The following TLCD4 variants were observed in gnomAD, a reference collection of about 807,000 sequenced individuals.
TLCD4 encodes the protein TLC domain containing 4, also known as TLC domain-containing protein 4.
Under a neutral mutation model 24.2 loss-of-function variants are expected in TLCD4, and 7 were observed. That is an observed-to-expected ratio of 0.29 (90% CI 0.16 to 0.54). TLCD4 has a LOEUF of 0.54. TLCD4 is among the 20% of genes least tolerant of loss of function. The probability of loss-of-function intolerance (pLI) is 0.95; values close to 1 mark genes in which losing one functional copy is unlikely to be tolerated. For missense variants in TLCD4, 259 were observed against 313.9 expected, an observed-to-expected ratio of 0.82 and a Z score of 1.32; for synonymous variants, 103 against 106.4, an observed-to-expected ratio of 0.97 and a Z score of 0.20.
intron 1 of TLCD4, among the ~76,000 whole-genome samples, chr1:95,138,810 C>G (rs779075171): frequency 6.6e-6 from 1 of 151,182 alleles, no homozygotes; most frequent in Non-Finnish European, 1.5e-5. Flanking sequence ...GTACTGAATA[C>G]ATGGTGTAGA....
At chr1:95,146,000 G>A (rs1677335820) in intron 2 of TLCD4, among the ~76,000 whole-genome samples, 1 of 152,164 alleles carries the variant, frequency 6.6e-6, no homozygotes, top group African/African-American at 2.4e-5. Flanking sequence ...AAGGTGGAGA[G>A]TGCAAAGTAG....
At chr1:95,173,421 T>C (rs1362372054) in intron 5 of TLCD4, among the ~76,000 whole-genome samples, 2 of 152,104 alleles carry the variant, frequency 1.3e-5, no homozygotes, top group Non-Finnish European at 2.9e-5. Flanking sequence ...GCCATTCTCC[T>C]GCCTCAGCCT....
At chr1:95,161,603 A>G (rs1401483258) in intron 5 of TLCD4, among the ~76,000 whole-genome samples, 1 of 152,082 alleles carries the variant, frequency 6.6e-6, no homozygotes, top group African/African-American at 2.4e-5. Context: ...TAGGGTGTCA[A>G]TTTTAGATCT....
intron 6 of TLCD4, among the ~76,000 whole-genome samples, chr1:95,184,055 T>C (rs556907671): frequency 1.3e-5 from 2 of 152,278 alleles, no homozygotes; most frequent in East Asian, 3.9e-4. Context: ...CCTGAAGAAA[T>C]TACATTTGCA....
At chr1:95,126,820 A>G (rs909452127) in intron 1 of TLCD4, among the ~76,000 whole-genome samples, 31 of 152,118 alleles carry the variant, frequency 2.0e-4, no homozygotes, top group African/African-American at 7.2e-4. Context: ...AGTCCTACCT[A>G]GGCTCTAGAA....
intron 1 of TLCD4, among the ~76,000 whole-genome samples, chr1:95,123,847 A>G (rs1309642299): frequency 2.6e-5 from 4 of 152,342 alleles, no homozygotes; most frequent in African/African-American, 9.6e-5. Flanking sequence ...CACTCTTATA[A>G]ATACTGTATA....
intron 1 of TLCD4, among the ~76,000 whole-genome samples, chr1:95,143,234 T>C (rs1677254403): frequency 6.6e-6 from 1 of 152,060 alleles, no homozygotes; most frequent in South Asian, 2.1e-4. Context: ...AAGTTGGGCT[T>C]TTCTGTTTGA....
At chr1:95,102,268 G>T in the TLCD4 span, among the ~76,000 whole-genome samples, 1 of 152,186 alleles carries the variant, frequency 6.6e-6, no homozygotes, top group Non-Finnish European at 1.5e-5. Flanking sequence ...TATTAACTTG[G>T]TATGATGCCA....
At chr1:95,123,072 G>A (rs1676614049) in intron 1 of TLCD4, among the ~76,000 whole-genome samples, 1 of 152,066 alleles carries the variant, frequency 6.6e-6, no homozygotes. Context: ...GTATCCCAAA[G>A]TGCTGGGATT....
chr1:95,188,493 A>C (rs1678911440), intron 6 of TLCD4, among the ~76,000 whole-genome samples: 1 of 152,024 alleles, frequency 6.6e-6, no homozygotes, highest in Admixed American at 6.6e-5. Context: ...ACCTTGTTGA[A>C]GGTGTGATTT....
chr1:95,151,205 C>G, intron 4 of TLCD4, 120 bp from the exon 5 acceptor site: 1 of 984,826 alleles, frequency 1.0e-6, no homozygotes, highest in Non-Finnish European at 1.5e-6. Context: ...GAGGGATGAA[C>G]AAAGTGCTGT....
the TLCD4 span, among the ~76,000 whole-genome samples, chr1:95,092,749 C>T: frequency 1.3e-5 from 2 of 152,140 alleles, no homozygotes; most frequent in Non-Finnish European, 2.9e-5. Flanking sequence ...CGAAGGTCCG[C>T]GGCTTCATTC....
At chr1:95,119,164 A>G (rs1676507537) in intron 1 of TLCD4, among the ~76,000 whole-genome samples, 1 of 152,154 alleles carries the variant, frequency 6.6e-6, no homozygotes, top group Non-Finnish European at 1.5e-5. Context: ...CTTTGCTACT[A>G]ATGCTTTATA....
chr1:95,195,899 C>G lies in TLCD4; in HGVS notation c.*4031C>G, dbSNP rs1056390846. 1 of 152,152 alleles carries G rather than the reference C, an allele frequency of 6.6e-6. No individual in the cohort carries two copies. The highest frequency in any genetic ancestry group is 2.4e-5 in the African/African-American group (1 of 41,436). 9.4% of individuals were successfully genotyped at this position (152,152 alleles called of 1,614,324 possible). ...CTGGTACACCAGATGACTTCATCAG[C>G]ATCTCCCTCTTTTATGCTAACACCT... On this transcript the variant is annotated 3_prime_UTR_variant, in exon 7 of 7. Transcript: ENST00000370203.
intron 5 of TLCD4, among the ~76,000 whole-genome samples, chr1:95,161,755 A>T (rs1366229727): frequency 6.6e-6 from 1 of 152,096 alleles, no homozygotes; most frequent in Non-Finnish European, 1.5e-5. Flanking sequence ...TCATTTCGTT[A>T]TGTACCCAGT....
At chr1:95,139,609 C>T (rs375861182) in intron 1 of TLCD4, among the ~76,000 whole-genome samples, 2 of 151,796 alleles carry the variant, frequency 1.3e-5, no homozygotes, top group African/African-American at 4.8e-5. Context: ...CAGGCATGTG[C>T]CACCATGCCT....
intron 1 of TLCD4, among the ~76,000 whole-genome samples, chr1:95,119,516 T>G (rs1676514326): frequency 6.6e-6 from 1 of 152,136 alleles, no homozygotes; most frequent in South Asian, 2.1e-4. Context: ...GATTCCCAAT[T>G]GAGAAATGGG....
chr1:95,114,410 C>G (rs929877854), upstream of TLCD4, among the ~76,000 whole-genome samples: 2 of 152,076 alleles, frequency 1.3e-5, no homozygotes, highest in Admixed American at 1.3e-4. Context: ...GGCAACTTCT[C>G]AAAATATTTT....
intron 6 of TLCD4, among the ~76,000 whole-genome samples, chr1:95,177,231 T>C (rs867200445): frequency 2.6e-5 from 4 of 152,230 alleles, no homozygotes; most frequent in African/African-American, 9.6e-5. Context: ...TTTTCTCATA[T>C]TTCTTCCTTT....
Sources: gnomAD v4.1 joint callset for allele counts (sites outside exome capture counted in the v4.1 genomes callset) on GRCh38, gnomAD v4.1.1 for gene constraint, MANE v1.5 for transcripts, NCBI Gene and HGNC (gene_info 2026-07-23, HGNC 2026-07-21) for gene names.